The following CTBP2 variants were observed in gnomAD, a reference collection of about 807,000 sequenced individuals.
The protein encoded by CTBP2 is C-terminal-binding protein 2.
A neutral mutation model predicts 80.3 loss-of-function variants in CTBP2; 30 were observed. The observed-to-expected ratio is 0.37, with a 90% CI of 0.28 to 0.51. The LOEUF (loss-of-function observed/expected upper bound fraction) is 0.51, where lower values mean the gene tolerates loss of function less well. CTBP2 is among the 20% of genes least tolerant of loss of function. The pLI, the probability that CTBP2 is intolerant of heterozygous loss-of-function variation, is 0.93. For synonymous variants in CTBP2, 594 were observed against 587.4 expected (o/e 1.01, Z -0.16); for missense variants, 1,212 against 1,375.3 (o/e 0.88, Z 1.88).
chr10:125,007,868 T>C lies in CTBP2; in HGVS notation c.1679-4376A>G, dbSNP rs149921187. On this transcript the variant is annotated intron_variant, in intron 1 of 8. Coordinates refer to ENST00000309035, the MANE Select transcript of CTBP2 (RefSeq NM_022802.3). ...AGACAACCTGCCCCAGGGTAAAGGG[T>C]TTCAGGATTTGAGGCTTCTACCCCA... 4.0e-3 allele frequency among the ~76,000 whole-genome samples: 616 copies of C among 152,160 alleles called. 3 individuals are homozygous for C. The highest frequency in any genetic ancestry group is 0.014 in the African/African-American group (594 of 41,506).
intron 2 of CTBP2, among the ~76,000 whole-genome samples, chr10:125,072,634 G>GAAAAAAAAAAAAAAAAAAAAAAAAA (rs55742060): frequency 5.0e-5 from 5 of 100,144 alleles, no homozygotes; most frequent in East Asian, 3.0e-4. Context: ...AAAAAGAAAA[G>GAAAAAAAAAAAAAAAAAAAAAAAAA]AAAAAAAAAA....
At chr10:125,041,007 G>T (rs1393326460) in intron 2 of CTBP2, among the ~76,000 whole-genome samples, 2 of 152,246 alleles carry the variant, frequency 1.3e-5, no homozygotes, top group African/African-American at 4.8e-5. Context: ...AGGAGATGGA[G>T]GTTGTCATAG....
At chr10:125,050,070 CAT>C (rs1962344906) in intron 2 of CTBP2, among the ~76,000 whole-genome samples, 1 of 147,592 alleles carries the variant, frequency 6.8e-6, no homozygotes, top group Non-Finnish European at 1.5e-5. Context: ...CATCACTCAT[CAT>C]GCAAAGGCTG....
chr10:125,077,948 G>A (rs76381664), intron 2 of CTBP2, among the ~76,000 whole-genome samples: 13,146 of 152,182 alleles, frequency 0.086, 601 homozygotes, highest in Middle Eastern at 0.17. Context: ...ATGGGGGGAG[G>A]TGGGGGCTGC....
At chr10:125,154,071 T>C (rs1036956254) in intron 1 of CTBP2, among the ~76,000 whole-genome samples, 1 of 152,264 alleles carries the variant, frequency 6.6e-6, no homozygotes, top group Non-Finnish European at 1.5e-5. Flanking sequence ...TTAAGGCAGC[T>C]GACAGTTTCT....
At chr10:125,068,386 C>T (rs1198458770) in intron 2 of CTBP2, among the ~76,000 whole-genome samples, 2 of 152,366 alleles carry the variant, frequency 1.3e-5, no homozygotes, top group East Asian at 3.9e-4. Flanking sequence ...AATTTGCACA[C>T]ATAACCCCAT....
intron 8 of CTBP2, among the ~76,000 whole-genome samples, chr10:124,991,711 A>G (rs781279584): frequency 3.9e-5 from 6 of 152,174 alleles, no homozygotes; most frequent in Non-Finnish European, 8.8e-5. Flanking sequence ...CCTACAATGC[A>G]CAGGACAGGC....
chr10:125,027,559 C>A lies in CTBP2; in HGVS notation c.201G>T (p.Glu67Asp). 3 of 1,614,126 alleles carry A rather than the reference C, an allele frequency of 1.9e-6. No homozygotes were observed. The highest frequency in any genetic ancestry group is 2.5e-6 in the Non-Finnish European group (3 of 1,180,014). ...AAACGGCCTCCCGGTACAGGTAGGG[C>A]TCGGCGGCCACGGGCAGGGCAGCGT... The change falls in exon 1 of 9, where the codon GAG becomes GAT. Residue 67 changes from glutamate (E) to aspartate (D), a missense_variant. Physicochemically the swap from Glu to Asp is conservative, Grantham distance 45. Transcript: ENST00000309035.
At chr10:125,138,690 A>G (rs1255179361) in intron 1 of CTBP2, among the ~76,000 whole-genome samples, 1 of 151,326 alleles carries the variant, frequency 6.6e-6, no homozygotes, top group East Asian at 1.9e-4. Flanking sequence ...AAAACAGACC[A>G]GCAAACCACT....
At chr10:124,996,048 G>GTGTT (rs1554952354) in intron 4 of CTBP2, 3 of 131,336 alleles carry the variant, frequency 2.3e-5, no homozygotes, top group African/African-American at 9.4e-5. Flanking sequence ...CTATTTCTTT[G>GTGTT]TTTTTTTTTT....
chr10:125,117,671 C>T (rs974610996), intron 1 of CTBP2, among the ~76,000 whole-genome samples: 4 of 152,164 alleles, frequency 2.6e-5, no homozygotes, highest in Admixed American at 6.5e-5. Context: ...AGGGTGTACC[C>T]GAGAGGTTGT....
chr10:125,006,659 C>T (rs916524824), intron 1 of CTBP2, among the ~76,000 whole-genome samples: 4 of 152,214 alleles, frequency 2.6e-5, no homozygotes, highest in African/African-American at 4.8e-5. Flanking sequence ...GGATTCCTGA[C>T]GCCTCTTTCA....
At chr10:125,055,253 G>A (rs1377063689) in intron 2 of CTBP2, among the ~76,000 whole-genome samples, 1 of 152,230 alleles carries the variant, frequency 6.6e-6, no homozygotes, top group Admixed American at 6.5e-5. Context: ...TCTGCACAGA[G>A]GTTCAGGGCA....
chr10:125,146,666 A>C (rs1858835838), intron 1 of CTBP2, among the ~76,000 whole-genome samples: 1 of 152,140 alleles, frequency 6.6e-6, no homozygotes, highest in South Asian at 2.1e-4. Context: ...TGAAGGTGAC[A>C]AACTAACTGC....
chr10:125,107,245 G>C (rs1467378379), intron 2 of CTBP2, among the ~76,000 whole-genome samples: 1 of 152,244 alleles, frequency 6.6e-6, no homozygotes, highest in East Asian at 1.9e-4. Context: ...GAGAACCCCA[G>C]AGATGAAAGG....
chr10:125,117,284 G>T (rs1479791459), intron 1 of CTBP2, among the ~76,000 whole-genome samples: 20 of 152,126 alleles, frequency 1.3e-4, no homozygotes, highest in Non-Finnish European at 2.6e-4. Context: ...TGCAGTCCTG[G>T]GGGCTGCTGG....
At chr10:125,076,035 A>G (rs1173770683) in intron 2 of CTBP2, among the ~76,000 whole-genome samples, 1 of 152,236 alleles carries the variant, frequency 6.6e-6, no homozygotes, top group Non-Finnish European at 1.5e-5. Flanking sequence ...GACCACGCAC[A>G]GAATGGGTGT....
intron 2 of CTBP2, among the ~76,000 whole-genome samples, chr10:125,092,917 G>A (rs1185243206): frequency 6.6e-6 from 1 of 152,140 alleles, no homozygotes; most frequent in East Asian, 1.9e-4. Context: ...TCTAGAGTGG[G>A]GGGGGGCAGC....
At chr10:125,048,064 C>T (rs1438644389) in intron 2 of CTBP2, among the ~76,000 whole-genome samples, 4 of 152,094 alleles carry the variant, frequency 2.6e-5, no homozygotes, top group Non-Finnish European at 2.9e-5. Context: ...GAGATCCCAG[C>T]CCACTCATCT....
Sources: gnomAD v4.1 joint callset for allele counts (sites outside exome capture counted in the v4.1 genomes callset) on GRCh38, gnomAD v4.1.1 for gene constraint, MANE v1.5 for transcripts, NCBI Gene and HGNC (gene_info 2026-07-23, HGNC 2026-07-21) for gene names.